The following SDK2 variants were observed in gnomAD, a reference collection of about 807,000 sequenced individuals.
SDK2 encodes protein sidekick-2.
Under a neutral mutation model 253.9 loss-of-function variants are expected in SDK2, and 105 were observed. The ratio of observed to expected loss-of-function variants is 0.41; its 90% confidence interval spans 0.35 to 0.49. SDK2 has a LOEUF of 0.49. Ranked by LOEUF, SDK2 falls within the 20% of genes least tolerant of loss-of-function variation. The pLI, the probability that SDK2 is intolerant of heterozygous loss-of-function variation, is 0.06. For missense variants in SDK2, 2,608 were observed against 3,003.0 expected, an observed-to-expected ratio of 0.87 and a Z score of 3.07; for synonymous variants, 1,249 against 1,234.9, an observed-to-expected ratio of 1.01 and a Z score of -0.24.
chr17:73,385,263 T>A (rs2145482696), intron 32 of SDK2, among the ~76,000 whole-genome samples: 1 of 152,170 alleles, frequency 6.6e-6, no homozygotes, highest in Non-Finnish European at 1.5e-5. Context: ...AGCAGCCTGG[T>A]CGCTGAGGTT....
At chr17:73,408,695 C>A (rs556073156) in intron 18 of SDK2, among the ~76,000 whole-genome samples, 4 of 152,172 alleles carry the variant, frequency 2.6e-5, no homozygotes, top group Non-Finnish European at 5.9e-5. Context: ...GACTAAGTTT[C>A]TTCCCAAATA....
intron 3 of SDK2, among the ~76,000 whole-genome samples, chr17:73,457,271 CT>C (rs2063533687): frequency 9.4e-5 from 6 of 63,944 alleles, no homozygotes; most frequent in Admixed American, 3.4e-4. Flanking sequence ...TCCTTCCTTC[CT>C]TCCTTCCTTC....
chr17:73,506,518 C>T (rs1947642052), intron 2 of SDK2, among the ~76,000 whole-genome samples: 1 of 152,182 alleles, frequency 6.6e-6, no homozygotes, highest in African/African-American at 2.4e-5. Context: ...GGCTGGTTCT[C>T]CAGAAGGACA....
chr17:73,355,174 A>ATTTTTTTTTTTTTTTTT (rs770032791), intron 40 of SDK2, among the ~76,000 whole-genome samples: 2 of 47,222 alleles, frequency 4.2e-5, no homozygotes, highest in Non-Finnish European at 6.7e-5. Context: ...ATATATATAT[A>ATTTTTTTTTTTTTTTTT]TTTTTTTTTT....
Position 73,401,089 on chromosome 17 carries a change from C to G in SDK2, c.2902G>C (p.Val968Leu). 1 of 1,569,470 alleles carries G rather than the reference C, an allele frequency of 6.4e-7. No individual in the cohort carries two copies. Among genetic ancestry groups the G allele is most frequent in the South Asian group, 1.2e-5 (1 of 85,142 alleles). ...LTALTTYTIE[V>L]AAMTSKGQGQ... ...TGGCCCTTTGAGGTCATGGCGGCCA[C>G]CTCGATGGTGTAGGTGGTGAGCGCG... Residue 968 changes from valine (V) to leucine (L), a missense_variant, in exon 21 of 45, where the codon GTG (valine) becomes CTG (leucine). Coordinates refer to ENST00000392650, the MANE Select transcript of SDK2 (RefSeq NM_001144952.2).
chr17:73,393,281 CG>C (rs2062943626), intron 27 of SDK2, among the ~76,000 whole-genome samples: 1 of 133,908 alleles, frequency 7.5e-6, no homozygotes, highest in Non-Finnish European at 1.6e-5. Context: ...TAAATTAAAA[CG>C]GGTGCAAGTC....
chr17:73,522,519 C>A (rs2064089423), intron 1 of SDK2, among the ~76,000 whole-genome samples: 1 of 152,226 alleles, frequency 6.6e-6, no homozygotes, highest in South Asian at 2.1e-4. Flanking sequence ...CGTCTCTGCT[C>A]TTCTGCTTTG....
intron 1 of SDK2, among the ~76,000 whole-genome samples, chr17:73,524,675 A>G (rs1194018641): frequency 6.6e-6 from 1 of 152,352 alleles, no homozygotes; most frequent in Non-Finnish European, 1.5e-5. Flanking sequence ...CCCTGAGCCC[A>G]GGTAGCACGA....
At chr17:73,613,309 A>G (rs2046001095) in intron 1 of SDK2, among the ~76,000 whole-genome samples, 1 of 151,814 alleles carries the variant, frequency 6.6e-6, no homozygotes, top group Non-Finnish European at 1.5e-5. Context: ...CTCCCTGGAG[A>G]CGCCAATGAG....
intron 2 of SDK2, chr17:73,504,211 TGTGTGAGA>T (rs1444619963): frequency 7.6e-5 from 11 of 143,934 alleles, no homozygotes; most frequent in Non-Finnish European, 1.5e-4. Context: ...TGTGTGTGTG[TGTGTGAGA>T]GAGAGAGAGA....
chr17:73,576,939 G>T (rs147840023), intron 1 of SDK2, among the ~76,000 whole-genome samples: 1 of 152,180 alleles, frequency 6.6e-6, no homozygotes, highest in Non-Finnish European at 1.5e-5. Flanking sequence ...CATGGGAATC[G>T]CCAAGGATAC....
At chr17:73,556,678 G>A (rs2045149358) in intron 1 of SDK2, among the ~76,000 whole-genome samples, 1 of 152,196 alleles carries the variant, frequency 6.6e-6, no homozygotes, top group Non-Finnish European at 1.5e-5. Context: ...ACCTGTTTCC[G>A]GTTTTGAAAG....
intron 1 of SDK2, chr17:73,516,452 C>T (rs2064028648): frequency 6.6e-6 from 1 of 152,344 alleles, no homozygotes; most frequent in Admixed American, 6.5e-5. Context: ...CGAGTCCCTT[C>T]CCTCTCCCAG....
chr17:73,562,231 A>G (rs1215000855), intron 1 of SDK2, among the ~76,000 whole-genome samples: 1 of 152,236 alleles, frequency 6.6e-6, no homozygotes. Flanking sequence ...ACACGCTCCA[A>G]CGGGGCTGCA....
rs1014871076 is a variant in SDK2, at chr17:73,511,640, G to T, written c.65-4043C>A. 3.9e-5 allele frequency among the ~76,000 whole-genome samples: 6 copies of T among 152,126 alleles called. No homozygotes were observed. The highest frequency in any genetic ancestry group is 1.4e-4 in the African/African-American group (6 of 41,428). On this transcript the variant is annotated intron_variant, in intron 1 of 44. Transcript: ENST00000392650. This position sits in a 1 kb window ranked among gnomAD's most constrained non-coding sequence, Gnocchi z 4.9. ...CCTCGCCTCCTGTGGTCCTCACAAGGTTCCTCTCCCCAAGCTCCTGCGGTG... is the reference window on the plus strand; with the variant it reads ...CCTCGCCTCCTGTGGTCCTCACAAGTTTCCTCTCCCCAAGCTCCTGCGGTG...
At chr17:73,509,262 A>G (rs1379896342) in intron 1 of SDK2, among the ~76,000 whole-genome samples, 1 of 152,194 alleles carries the variant, frequency 6.6e-6, no homozygotes, top group Non-Finnish European at 1.5e-5. Flanking sequence ...ACGTCTAAGG[A>G]TGGAAGGAAA....
At chr17:73,585,402 C>T (rs1036975066) in intron 1 of SDK2, among the ~76,000 whole-genome samples, 1 of 152,230 alleles carries the variant, frequency 6.6e-6, no homozygotes, top group Non-Finnish European at 1.5e-5. Context: ...GTTTTACTCT[C>T]TCTTGTGAGC....
chr17:73,483,246 T>A lies in SDK2; in HGVS notation c.225-11028A>T, dbSNP rs185397955. Among the ~76,000 whole-genome samples, 742 of 150,198 alleles carry A rather than the reference T, an allele frequency of 4.9e-3. 4 individuals carry two copies. The highest frequency in any genetic ancestry group is 0.017 in the African/African-American group (691 of 40,794). Reference sequence around the variant, plus strand: ...CTGAGCCCAGCTGGGAGAGAGCCGCTACATAGATGGGAGGAGAGTGGGGCG... The same window carrying A: ...CTGAGCCCAGCTGGGAGAGAGCCGCAACATAGATGGGAGGAGAGTGGGGCG... On this transcript the variant is annotated intron_variant, in intron 2 of 44. Coordinates refer to ENST00000392650, the MANE Select transcript of SDK2 (RefSeq NM_001144952.2).
intron 1 of SDK2, among the ~76,000 whole-genome samples, chr17:73,550,369 G>T (rs184686107): frequency 6.6e-6 from 1 of 152,184 alleles, no homozygotes; most frequent in African/African-American, 2.4e-5. Context: ...CCTTTGTCCC[G>T]CTGGGAAAAT....
Sources: allele counts gnomAD v4.1 joint callset (sites outside exome capture counted in the v4.1 genomes callset), GRCh38; gene constraint gnomAD v4.1.1; non-coding constraint Gnocchi (gnomAD v3.1); transcripts MANE v1.5; gene names NCBI Gene and HGNC (gene_info 2026-07-23, HGNC 2026-07-21).